RALGPS1: variants seen among roughly 807,000 people sequenced by gnomAD.
The protein encoded by RALGPS1 is Ral GEF with PH domain and SH3 binding motif 1, also known as ras-specific guanine nucleotide-releasing factor RalGPS1.
Under a neutral mutation model 78.8 loss-of-function variants are expected in RALGPS1, and 19 were observed. The ratio of observed to expected loss-of-function variants is 0.24; its 90% confidence interval spans 0.17 to 0.35. RALGPS1 has a LOEUF of 0.35. Among genes scored for constraint, RALGPS1 ranks in the 10% least tolerant of loss-of-function variants. RALGPS1 has a pLI of 1.00. For missense variants in RALGPS1, 454 were observed against 688.3 expected (o/e 0.66, Z 3.81); for synonymous variants, 228 against 256.3 (o/e 0.89, Z 1.06).
At chr9:127,109,357 T>C (rs1348484875) in intron 8 of RALGPS1, among the ~76,000 whole-genome samples, 1 of 152,248 alleles carries the variant, frequency 6.6e-6, no homozygotes, top group African/African-American at 2.4e-5. Flanking sequence ...TATTGCACTT[T>C]GGGCAAATAT....
chr9:127,135,740 C>A (rs2057350523), intron 8 of RALGPS1, among the ~76,000 whole-genome samples: 2 of 152,154 alleles, frequency 1.3e-5, no homozygotes. Context: ...TTTACAAAGA[C>A]AAAGGCAAGG....
At chr9:127,196,707 C>T in intron 13 of RALGPS1, 76 bp downstream of exon 13, 12 of 1,464,614 alleles carry the variant, frequency 8.2e-6, no homozygotes, top group Non-Finnish European at 1.1e-5. Context: ...GTCTCTGTGT[C>T]ACTGTGCCAT....
chr9:127,097,192 C>A (rs568400889), intron 8 of RALGPS1, among the ~76,000 whole-genome samples: 1 of 152,130 alleles, frequency 6.6e-6, no homozygotes, highest in Non-Finnish European at 1.5e-5. Flanking sequence ...TTTTTTTCTT[C>A]CGTATTTACC....
chr9:127,209,268 A>G (rs2062103956), intron 14 of RALGPS1, among the ~76,000 whole-genome samples: 1 of 152,242 alleles, frequency 6.6e-6, no homozygotes, highest in Non-Finnish European at 1.5e-5. Context: ...TGCATGGGCT[A>G]GCGACCTGGC....
chr9:127,110,300 G>C (rs2054666731), intron 8 of RALGPS1, among the ~76,000 whole-genome samples: 1 of 152,076 alleles, frequency 6.6e-6, no homozygotes, highest in Non-Finnish European at 1.5e-5. Context: ...TCACACTGTG[G>C]GATACAGTTG....
intron 1 of RALGPS1, among the ~76,000 whole-genome samples, chr9:126,952,875 C>G (rs1229881511): frequency 1.3e-5 from 2 of 152,038 alleles, no homozygotes; most frequent in East Asian, 3.9e-4. Flanking sequence ...GCTGCGGAGT[C>G]GTGGGAGAGC....
At chr9:126,969,017 C>T (rs1217441476) in intron 3 of RALGPS1, among the ~76,000 whole-genome samples, 2 of 151,756 alleles carry the variant, frequency 1.3e-5, no homozygotes, top group Non-Finnish European at 2.9e-5. Flanking sequence ...CATTGCACTC[C>T]AGCCTGGGCA....
chr9:127,198,947 G>A, intron 13 of RALGPS1, 68 bp from the exon 14 acceptor site: 1 of 1,425,226 alleles, frequency 7.0e-7, no homozygotes, highest in Non-Finnish European at 9.9e-7. Context: ...CCTGGGCTCG[G>A]TGACCCAGGA....
chr9:127,169,841 C>T (rs1328125573), intron 10 of RALGPS1, among the ~76,000 whole-genome samples: 1 of 152,278 alleles, frequency 6.6e-6, no homozygotes, highest in Non-Finnish European at 1.5e-5. Flanking sequence ...ATTTTGTAAG[C>T]TCTTATAAGT....
intron 3 of RALGPS1, among the ~76,000 whole-genome samples, chr9:126,974,116 C>T (rs1443706332): frequency 2.0e-5 from 3 of 152,102 alleles, no homozygotes; most frequent in Admixed American, 6.6e-5. Flanking sequence ...TCAAGTGATC[C>T]GCCAGCTTCA....
At chr9:127,202,923 G>T (rs1375888387) in intron 14 of RALGPS1, among the ~76,000 whole-genome samples, 1 of 151,944 alleles carries the variant, frequency 6.6e-6, no homozygotes, top group African/African-American at 2.4e-5. Context: ...CGGCCGCAGG[G>T]CATTCAGTTA....
At chr9:127,055,469 C>A (rs376960737) in intron 7 of RALGPS1, among the ~76,000 whole-genome samples, 2 of 152,374 alleles carry the variant, frequency 1.3e-5, no homozygotes, top group South Asian at 4.1e-4. Flanking sequence ...CCTCCTGCTT[C>A]AGCCTCCCAA....
chr9:126,952,656 A>AGTGTGTGTGTGTGTGTGT lies in RALGPS1; in HGVS notation c.-65-9562_-65-9545dup, dbSNP rs1281535322. On this transcript the variant is annotated intron_variant, in intron 1 of 18. Coordinates refer to ENST00000259351, the MANE Select transcript of RALGPS1 (RefSeq NM_014636.3). ...GAGAGAGAGAGAGAGAGAGAGAGAG[A>AGTGTGTGTGTGTGTGTGT]GTGTGTGTGTGTGTGTGTGTGTGTC... 6.8e-4 allele frequency among the ~76,000 whole-genome samples: 94 copies of AGTGTGTGTGTGTGTGTGT among 138,898 alleles called. 1 individual carries two copies. The highest frequency in any genetic ancestry group is 3.6e-3 in the Middle Eastern group (1 of 280). The allele number at this position is 138,898 out of a possible 152,430, so 91.1% of individuals were successfully genotyped here. A position where few individuals can be genotyped will look rare whatever the true frequency, so the allele number is the denominator to read the frequency against.
At chr9:127,056,299 G>A (rs1051736996) in intron 7 of RALGPS1, among the ~76,000 whole-genome samples, 2 of 152,210 alleles carry the variant, frequency 1.3e-5, no homozygotes, top group African/African-American at 2.4e-5. Flanking sequence ...CCACTTACCA[G>A]AGCAAAAGGT....
At chr9:127,177,269 T>C (rs2059934130) in intron 11 of RALGPS1, among the ~76,000 whole-genome samples, 1 of 152,058 alleles carries the variant, frequency 6.6e-6, no homozygotes. Context: ...CTAGCCCAAG[T>C]GTGGAGGAGA....
At chr9:127,058,257 A>G (rs987039791) in intron 7 of RALGPS1, among the ~76,000 whole-genome samples, 8 of 152,240 alleles carry the variant, frequency 5.3e-5, no homozygotes, top group African/African-American at 1.9e-4. Context: ...GTAGGGCTCA[A>G]AGCCTGAGAG....
intron 8 of RALGPS1, among the ~76,000 whole-genome samples, chr9:127,073,388 C>T (rs952779209): frequency 2.0e-5 from 3 of 151,820 alleles, no homozygotes; most frequent in African/African-American, 7.3e-5. Flanking sequence ...CCTCCAGCTG[C>T]ATCCATATTG....
At chr9:126,939,311 A>C (rs2036543750) in intron 1 of RALGPS1, among the ~76,000 whole-genome samples, 1 of 152,166 alleles carries the variant, frequency 6.6e-6, no homozygotes. Context: ...TCTCCTTTCC[A>C]TAGTAGGCAG....
intron 8 of RALGPS1, among the ~76,000 whole-genome samples, chr9:127,125,734 A>G (rs533894384): frequency 6.6e-6 from 1 of 152,204 alleles, no homozygotes; most frequent in Non-Finnish European, 1.5e-5. Context: ...TGTCTGTCAG[A>G]CAGAAGCATC....
Sources: gnomAD v4.1 joint callset for allele counts (sites outside exome capture counted in the v4.1 genomes callset) on GRCh38, gnomAD v4.1.1 for gene constraint, MANE v1.5 for transcripts, NCBI Gene and HGNC (gene_info 2026-07-23, HGNC 2026-07-21) for gene names.